GGA2: variants seen among roughly 807,000 people sequenced by gnomAD.
The protein encoded by GGA2 is ADP-ribosylation factor-binding protein GGA2.
Under a neutral mutation model 79.5 loss-of-function variants are expected in GGA2, and 48 were observed. The ratio of observed to expected loss-of-function variants is 0.60; its 90% confidence interval spans 0.48 to 0.77. The LOEUF (loss-of-function observed/expected upper bound fraction) is 0.77. Ranked by LOEUF, GGA2 falls within the 30% of genes least tolerant of loss-of-function variation. GGA2 has a pLI of 0.00. For synonymous variants in GGA2, 317 were observed against 302.0 expected (o/e 1.05, Z -0.51); for missense variants, 770 against 774.0 (o/e 0.99, Z 0.06).
rs777203576 is a variant in GGA2 at position 23,491,762 on chromosome 16, T to A, written c.390A>T (p.Arg130Ser). 1 of 1,612,142 alleles carries A rather than the reference T, an allele frequency of 6.2e-7. No individual in the cohort carries two copies. The highest frequency in any genetic ancestry group is 1.7e-5 in the Admixed American group (1 of 60,008). The change falls in exon 5 of 17, where the codon AGA (arginine) becomes AGT (serine). Residue 130 changes from arginine to serine, a missense_variant. Coordinates refer to ENST00000309859, the MANE Select transcript of GGA2 (RefSeq NM_015044.4). ...TCCAACTGAAGAGTATTTCAATGAC[T>A]CTTCCTTTAACTTTTCCTGTGGCCC... The part of the protein sequence containing the change: ...GSWATGKVKG[R>S]VIEILFSWTV...
intron 4 of GGA2, 87 bp from the exon 5 acceptor site, chr16:23,491,887 A>G (rs1411472850): frequency 2.3e-6 from 2 of 881,464 alleles, no homozygotes; most frequent in African/African-American, 1.7e-5. Flanking sequence ...GCTGAGGCCC[A>G]GAGACACAAG....
chr16:23,503,382 T>C (rs1964940711), intron 1 of GGA2, among the ~76,000 whole-genome samples: 1 of 152,228 alleles, frequency 6.6e-6, no homozygotes, highest in South Asian at 2.1e-4. Context: ...CTATTTTATA[T>C]ATTAAAAATT....
rs1316689767 is a variant in GGA2, at chr16:23,481,517, A to G, written c.881-747T>C. ...GCTGTGTGTGGTGGTTCACGCCTGT[A>G]ATCCCAGCACTTTGGGAAGCCAAGG... On this transcript the variant is annotated intron_variant, in intron 9 of 16. Coordinates refer to ENST00000309859, the MANE Select transcript of GGA2 (RefSeq NM_015044.4). 2.0e-5 allele frequency among the ~76,000 whole-genome samples: 3 copies of G among 152,256 alleles called. No individual in the cohort carries two copies. The South Asian group carries it at 6.2e-4, about 31-fold the overall frequency.
At chr16:23,474,194 GC>G (rs765110142) in intron 14 of GGA2, among the ~76,000 whole-genome samples, 1 of 152,156 alleles carries the variant, frequency 6.6e-6, no homozygotes, top group Non-Finnish European at 1.5e-5. Flanking sequence ...TCTACCTCTT[GC>G]CAGTCATTTC....
In GGA2 at chr16:23,488,719, C is replaced by T. The variant is rs1184381271; in HGVS notation, c.476-10G>A. On this transcript the variant is annotated splice_polypyrimidine_tract_variant and intron_variant, in intron 5 of 16. Transcript: ENST00000309859. ...TCTTGTTTTATAATTCCTAAAAATG[C>T]AATTTACAAAGTTAAGACACCGATA... 3 of 1,470,586 alleles carry T rather than the reference C, an allele frequency of 2.0e-6. No homozygotes were observed. The highest frequency in any genetic ancestry group is 2.3e-5 in the East Asian group (1 of 44,188). The allele number at this position is 1,470,586 out of a possible 1,614,324, so 91.1% of individuals were successfully genotyped here. A position where few individuals can be genotyped will look rare whatever the true frequency, so the allele number is the denominator to read the frequency against.
intron 4 of GGA2, 109 bp from the exon 5 acceptor site, chr16:23,491,909 G>A (rs1159321547): frequency 1.7e-5 from 12 of 698,004 alleles, no homozygotes; most frequent in Non-Finnish European, 2.4e-5. Flanking sequence ...TCCCAGGCGC[G>A]GTATGAGTGT....
At chr16:23,507,682 C>T (rs1964988835) in intron 1 of GGA2, among the ~76,000 whole-genome samples, 1 of 151,990 alleles carries the variant, frequency 6.6e-6, no homozygotes, top group Admixed American at 6.6e-5. Flanking sequence ...TGCCCGTAAT[C>T]CCAGCTACTT....
At position 23,491,738 on chromosome 16, in the gene GGA2, C is replaced by A. The variant is rs755410939; in HGVS notation, c.414G>T (p.Trp138Cys). Residue 138 changes from tryptophan (W) to cysteine (C), a missense_variant, in exon 5 of 17, where the codon TGG becomes TGT. Trp to Cys is a radical substitution (Grantham distance 215). Transcript: ENST00000309859. ...KGRVIEILFSWTVWFPEDIKI... is the reference protein window; with the variant it reads ...KGRVIEILFSCTVWFPEDIKI... ...TGATGTCTTCCGGAAACCAGACTGT[C>A]CAACTGAAGAGTATTTCAATGACTC... 1.2e-6 allele frequency: 2 copies of A among 1,611,342 alleles called. No homozygotes were observed. Among genetic ancestry groups the A allele is most frequent in the South Asian group, 1.1e-5 (1 of 91,004 alleles).
chr16:23,470,879 G>C (rs908578002), intron 14 of GGA2, among the ~76,000 whole-genome samples: 3 of 132,328 alleles, frequency 2.3e-5, no homozygotes, highest in Non-Finnish European at 3.1e-5. Context: ...GCCCAGGCTG[G>C]AATGCAATGG....
In GGA2 at chr16:23,466,376, T is replaced by A. The variant is rs562356039; in HGVS notation, c.*1214A>T. ...GCACACAGTAGGTGCTAAGTGGGAA[T>A]TGATTATAAACTTGAATTCTTCCAT... On this transcript the variant is annotated 3_prime_UTR_variant, in exon 17 of 17. Coordinates refer to ENST00000309859, the MANE Select transcript of GGA2 (RefSeq NM_015044.4). The A allele has an allele frequency of 3.9e-5, 6 of 152,208 alleles. No individual in the cohort carries two copies. The highest frequency in any genetic ancestry group is 3.9e-4 in the Admixed American group (6 of 15,280). The allele number at this position is 152,208 out of a possible 1,614,324, so 9.4% of individuals were successfully genotyped here.
chr16:23,478,302 T>G (rs550308735), intron 13 of GGA2, 66 bp downstream of exon 13: 10 of 1,335,854 alleles, frequency 7.5e-6, no homozygotes, highest in Admixed American at 2.3e-5. Context: ...CTCTGGCCCT[T>G]GTCCCATGAG....
chr16:23,474,531 T>C (rs1964552386), intron 14 of GGA2, among the ~76,000 whole-genome samples: 1 of 152,092 alleles, frequency 6.6e-6, no homozygotes, highest in Non-Finnish European at 1.5e-5. Flanking sequence ...CTAATGTTTG[T>C]ATTTTTTGTA....
chr16:23,509,974 G>A (rs1363041052), intron 1 of GGA2, among the ~76,000 whole-genome samples: 1 of 151,650 alleles, frequency 6.6e-6, no homozygotes, highest in Non-Finnish European at 1.5e-5. Flanking sequence ...GGGTGGGAAT[G>A]AGGATTAAGC....
intron 11 of GGA2, among the ~76,000 whole-genome samples, chr16:23,479,220 A>G (rs1964616257): frequency 6.7e-6 from 1 of 150,176 alleles, no homozygotes; most frequent in African/African-American, 2.5e-5. Context: ...GGACCAGCTC[A>G]CTCCCCTACT....
chr16:23,495,833 C>A, intron 1 of GGA2, 55 bp from the exon 2 acceptor site: 1 of 1,120,918 alleles, frequency 8.9e-7, no homozygotes, highest in East Asian at 2.4e-5. Context: ...ATTTACACCC[C>A]TCCCCATACA....
chr16:23,465,276 T>C lies in GGA2; in HGVS notation c.*2314A>G, dbSNP rs538624581. 5 of 699,950 alleles carry C rather than the reference T, an allele frequency of 7.1e-6. 1 individual carries two copies. In the African/African-American group the frequency reaches 8.7e-5, roughly 12 times the overall value. The allele number at this position is 699,950 out of a possible 1,614,324, so 43.4% of individuals were successfully genotyped here. A position where few individuals can be genotyped will look rare whatever the true frequency, so the allele number is the denominator to read the frequency against. On this transcript the variant is annotated 3_prime_UTR_variant, in exon 17 of 17. Transcript: ENST00000309859. Reference sequence around the variant, plus strand: ...CTGGGATTATAGGCGTGAGCCACTGTGCACAGCCAATAACTACTTGTTAAG... The same window carrying C: ...CTGGGATTATAGGCGTGAGCCACTGCGCACAGCCAATAACTACTTGTTAAG...
chr16:23,514,051 A>T (rs149614881), upstream of GGA2, among the ~76,000 whole-genome samples: 68 of 152,208 alleles, frequency 4.5e-4, no homozygotes, highest in East Asian at 0.012. Context: ...ATATAAAAGT[A>T]GACAGCCTTC....
Position 23,465,539 on chromosome 16 carries a change from T to C in GGA2, c.*2051A>G, listed in dbSNP as rs574596812. 189 of 641,256 alleles carry C rather than the reference T, an allele frequency of 2.9e-4. No homozygotes were observed. Among genetic ancestry groups the C allele is most frequent in the Non-Finnish European group, 4.2e-4 (148 of 356,014 alleles). The allele number at this position is 641,256 out of a possible 1,614,324, so 39.7% of individuals were successfully genotyped here. A position where few individuals can be genotyped will look rare whatever the true frequency, so the allele number is the denominator to read the frequency against. ...TAACTATAGGGGAGAAAGCCTGTCT[T>C]TATGTATAAGTCTCATTCACCCATT... On this transcript the variant is annotated 3_prime_UTR_variant, in exon 17 of 17. Coordinates refer to ENST00000309859, the MANE Select transcript of GGA2 (RefSeq NM_015044.4).
chr16:23,465,015 C>A lies in GGA2; in HGVS notation c.*2575G>T. The A allele has an allele frequency of 5.6e-6, 2 of 357,934 alleles. No homozygotes were observed. Among genetic ancestry groups the A allele is most frequent in the Non-Finnish European group, 5.1e-6 (1 of 195,384 alleles). 22.2% of individuals were successfully genotyped at this position (357,934 alleles called of 1,614,324 possible). On this transcript the variant is annotated 3_prime_UTR_variant, in exon 17 of 17. Transcript: ENST00000309859. ...AGGTCACGAAATGGGTCAACAGGAC[C>A]CCCGAAGAGTTCAAGATACTGGAAA...
Sources: gnomAD v4.1 joint callset for allele counts (sites outside exome capture counted in the v4.1 genomes callset) on GRCh38, gnomAD v4.1.1 for gene constraint, MANE v1.5 for transcripts, NCBI Gene and HGNC (gene_info 2026-07-23, HGNC 2026-07-21) for gene names.